The following LARGE1 variants were observed in gnomAD, a reference collection of about 807,000 sequenced individuals.
LARGE1 encodes the protein LARGE xylosyl- and glucuronyltransferase 1.
LARGE1 carries 43 observed loss-of-function variants against 87.6 expected under a neutral mutation model. The ratio of observed to expected loss-of-function variants is 0.49; its 90% confidence interval spans 0.38 to 0.63. LARGE1 has a LOEUF of 0.63. Ranked by LOEUF, LARGE1 falls within the 30% of genes least tolerant of loss-of-function variation. The pLI, the probability that LARGE1 is intolerant of heterozygous loss-of-function variation, is 0.00. For missense variants in LARGE1, 802 were observed against 1,000.2 expected (o/e 0.80, Z 2.67); for synonymous variants, 434 against 394.6 (o/e 1.10, Z -1.18).
chr22:33,169,020 A>G (rs934053298), intron 11 of LARGE1, among the ~76,000 whole-genome samples: 2 of 152,190 alleles, frequency 1.3e-5, no homozygotes, highest in African/African-American at 4.8e-5. Context: ...TGATTGTCAA[A>G]GATAAGAATA....
At chr22:33,200,176 A>G (rs1197251644) in intron 11 of LARGE1, among the ~76,000 whole-genome samples, 1 of 152,212 alleles carries the variant, frequency 6.6e-6, no homozygotes, top group African/African-American at 2.4e-5. Flanking sequence ...GGAAACGTCA[A>G]TGAACAAAAG....
At chr22:33,204,494 C>T (rs1374172703) in intron 11 of LARGE1, among the ~76,000 whole-genome samples, 1 of 152,106 alleles carries the variant, frequency 6.6e-6, no homozygotes, top group Admixed American at 6.6e-5. Flanking sequence ...CTTCAAGACT[C>T]CTATAAACCT....
At chr22:33,624,885 A>G (rs1279472912) in intron 4 of LARGE1, among the ~76,000 whole-genome samples, 1 of 152,156 alleles carries the variant, frequency 6.6e-6, no homozygotes, top group Non-Finnish European at 1.5e-5. Context: ...GATGGAGAGA[A>G]CGGGGAGAAA....
Position 33,740,293 on chromosome 22 carries a change from C to T in LARGE1, c.106+21078G>A, listed in dbSNP as rs144930751. On this transcript the variant is annotated intron_variant, in intron 2 of 14. Coordinates refer to ENST00000397394, the MANE Select transcript of LARGE1 (RefSeq NM_133642.5). ...CCCCTTTTTCTGGATTCCTGAACAC[C>T]GGCATACATACTTCTATTATAGCAA... 5.3e-4 allele frequency among the ~76,000 whole-genome samples: 81 copies of T among 152,268 alleles called. No individual in the cohort carries two copies. The East Asian group carries it at 0.011, about 21-fold the overall frequency.
the LARGE1 span, among the ~76,000 whole-genome samples, chr22:33,075,551 C>T: frequency 0.079 from 11,954 of 152,070 alleles, 1,384 homozygotes; most frequent in African/African-American, 0.25. Context: ...ATAAGGGGAC[C>T]GAGGCTTGGA....
chr22:33,677,221 G>A (rs1305502295), intron 2 of LARGE1, among the ~76,000 whole-genome samples: 1 of 149,406 alleles, frequency 6.7e-6, no homozygotes, highest in Non-Finnish European at 1.5e-5. Context: ...AGACGGGGGA[G>A]GATAATAAAA....
chr22:33,494,604 TC>T (rs1178622871), intron 6 of LARGE1, among the ~76,000 whole-genome samples: 3 of 152,196 alleles, frequency 2.0e-5, no homozygotes, highest in Non-Finnish European at 4.4e-5. Context: ...CAAGCTCTTT[TC>T]CCACCAATTT....
At chr22:33,579,733 C>T (rs1197621951) in intron 5 of LARGE1, among the ~76,000 whole-genome samples, 1 of 152,004 alleles carries the variant, frequency 6.6e-6, no homozygotes, top group Non-Finnish European at 1.5e-5. Flanking sequence ...CCAGAGTGGC[C>T]CCTAGCATTG....
chr22:33,456,939 G>A (rs185753297), intron 6 of LARGE1, among the ~76,000 whole-genome samples: 41 of 152,298 alleles, frequency 2.7e-4, no homozygotes, highest in Admixed American at 2.0e-3. Context: ...TAGACAGAAG[G>A]TCCTTTACTT....
chr22:33,654,212 T>C (rs1603000682), intron 2 of LARGE1, among the ~76,000 whole-genome samples: 1 of 152,338 alleles, frequency 6.6e-6, no homozygotes, highest in African/African-American at 2.4e-5. Flanking sequence ...GGAATCAATG[T>C]TGAAAAAAGC....
chr22:33,480,868 C>T (rs529112186), intron 6 of LARGE1, among the ~76,000 whole-genome samples: 43 of 152,180 alleles, frequency 2.8e-4, no homozygotes, highest in Admixed American at 2.3e-3. Context: ...TCTATAAATA[C>T]GTTATTAACA....
At chr22:33,464,051 T>G (rs1314425541) in intron 6 of LARGE1, among the ~76,000 whole-genome samples, 1 of 152,180 alleles carries the variant, frequency 6.6e-6, no homozygotes, top group African/African-American at 2.4e-5. Context: ...CACTACTAGC[T>G]ATCAGGATTA....
chr22:33,831,098 T>C (rs1413837487), intron 1 of LARGE1, among the ~76,000 whole-genome samples: 1 of 121,874 alleles, frequency 8.2e-6, no homozygotes, highest in East Asian at 2.3e-4. Flanking sequence ...TTTTTCTTTT[T>C]TCTTTTTTTT....
the LARGE1 span, among the ~76,000 whole-genome samples, chr22:33,123,403 A>G: frequency 3.3e-5 from 5 of 152,268 alleles, no homozygotes; most frequent in East Asian, 9.7e-4. Flanking sequence ...TCAGATTTGA[A>G]TTTCCTCCAC....
At chr22:33,255,751 A>C (rs1382931541) in intron 11 of LARGE1, among the ~76,000 whole-genome samples, 2 of 152,214 alleles carry the variant, frequency 1.3e-5, no homozygotes, top group Non-Finnish European at 2.9e-5. Flanking sequence ...CATAGGTTCT[A>C]TCTGTGCAGC....
intron 11 of LARGE1, among the ~76,000 whole-genome samples, chr22:33,196,797 G>T (rs1324251064): frequency 6.6e-6 from 1 of 151,320 alleles, no homozygotes; most frequent in African/African-American, 2.4e-5. Flanking sequence ...GAGGGAGGAG[G>T]GTGAGAAAGG....
At chr22:33,438,408 G>A (rs989310167) in intron 6 of LARGE1, among the ~76,000 whole-genome samples, 4 of 152,176 alleles carry the variant, frequency 2.6e-5, no homozygotes, top group African/African-American at 4.8e-5. Context: ...GATTAAGTGC[G>A]CTGTTCTCCA....
At chr22:33,121,252 A>G in the LARGE1 span, among the ~76,000 whole-genome samples, 1 of 152,162 alleles carries the variant, frequency 6.6e-6, no homozygotes, top group Non-Finnish European at 1.5e-5. Flanking sequence ...CCAGCTGCCA[A>G]CTGGCCTAGC....
chr22:33,588,855 A>G (rs2078755581), intron 5 of LARGE1, among the ~76,000 whole-genome samples: 3 of 152,226 alleles, frequency 2.0e-5, no homozygotes, highest in South Asian at 4.1e-4. Context: ...ACTGATTTTT[A>G]TCTGGATGAC....
Sources: gnomAD v4.1 joint callset for allele counts (sites outside exome capture counted in the v4.1 genomes callset) on GRCh38, gnomAD v4.1.1 for gene constraint, MANE v1.5 for transcripts, NCBI Gene and HGNC (gene_info 2026-07-23, HGNC 2026-07-21) for gene names.